The following ASTN2 variants were observed in gnomAD, a reference collection of about 807,000 sequenced individuals.
ASTN2 encodes the protein astrotactin-2.
ASTN2 carries 54 observed loss-of-function variants against 139.8 expected under a neutral mutation model. That is an observed-to-expected ratio of 0.39 (90% CI 0.31 to 0.48). ASTN2 has a LOEUF of 0.48. ASTN2 is among the 20% of genes least tolerant of loss of function. The pLI, the probability that ASTN2 is intolerant of heterozygous loss-of-function variation, is 0.95. For synonymous variants in ASTN2, 756 were observed against 719.5 expected (o/e 1.05, Z -0.81); for missense variants, 1,565 against 1,725.1 (o/e 0.91, Z 1.64).
chr9:117,016,617 T>TTAC (rs1564385774), intron 6 of ASTN2, among the ~76,000 whole-genome samples: 123 of 3,938 alleles, frequency 0.031, 17 homozygotes, highest in East Asian at 0.22. Flanking sequence ...TATCTATATC[T>TTAC]ATCTATCTAT....
intron 1 of ASTN2, among the ~76,000 whole-genome samples, chr9:117,305,052 T>C (rs1264634605): frequency 6.6e-6 from 1 of 152,236 alleles, no homozygotes; most frequent in East Asian, 1.9e-4. Context: ...CTGGGACCAC[T>C]GTGGGGACAC....
At chr9:116,677,473 G>T (rs1385061498) in intron 16 of ASTN2, among the ~76,000 whole-genome samples, 6 of 152,192 alleles carry the variant, frequency 3.9e-5, no homozygotes, top group African/African-American at 1.4e-4. Flanking sequence ...GCTTTGGTTT[G>T]TAATAACTAG....
chr9:117,005,930 C>G (rs1287064306), intron 7 of ASTN2, among the ~76,000 whole-genome samples: 4 of 152,088 alleles, frequency 2.6e-5, no homozygotes, highest in Non-Finnish European at 5.9e-5. Context: ...CTATCCTAGG[C>G]CCTGGATGTT....
At chr9:116,707,926 C>T (rs891344519) in intron 16 of ASTN2, among the ~76,000 whole-genome samples, 5 of 152,114 alleles carry the variant, frequency 3.3e-5, no homozygotes, top group Admixed American at 6.5e-5. Context: ...AACTATTGCC[C>T]TGCCTAAATT....
At chr9:116,487,126 G>A (rs540852914) in intron 20 of ASTN2, among the ~76,000 whole-genome samples, 1 of 152,222 alleles carries the variant, frequency 6.6e-6, no homozygotes, top group East Asian at 1.9e-4. Context: ...TAGAAGGAAT[G>A]GTTTTAAATT....
intron 2 of ASTN2, among the ~76,000 whole-genome samples, chr9:117,272,779 T>A (rs1201265206): frequency 2.0e-5 from 3 of 152,170 alleles, no homozygotes; most frequent in Non-Finnish European, 4.4e-5. Flanking sequence ...AAGTTCCTCA[T>A]CACCATCTGA....
intron 3 of ASTN2, among the ~76,000 whole-genome samples, chr9:117,194,256 T>C (rs1471698419): frequency 6.6e-6 from 1 of 152,104 alleles, no homozygotes. Flanking sequence ...TCTTCATCCT[T>C]CAGATCTCTG....
At chr9:117,336,477 G>T (rs1016079230) in intron 1 of ASTN2, among the ~76,000 whole-genome samples, 3 of 152,084 alleles carry the variant, frequency 2.0e-5, no homozygotes, top group African/African-American at 7.2e-5. Context: ...GGACAAAGAG[G>T]GAGATCTCTT....
chr9:116,915,319 G>A (rs186499738), intron 10 of ASTN2, among the ~76,000 whole-genome samples: 1 of 152,206 alleles, frequency 6.6e-6, no homozygotes, highest in South Asian at 2.1e-4. Context: ...AGGTCTCAAA[G>A]TTGACTTTTC....
intron 1 of ASTN2, among the ~76,000 whole-genome samples, chr9:117,371,992 T>C (rs1258878210): frequency 2.0e-5 from 3 of 152,118 alleles, no homozygotes; most frequent in Non-Finnish European, 4.4e-5. Flanking sequence ...GAAAGGAGCT[T>C]CCCTTCTCTC....
At position 116,747,693 on chromosome 9, in the gene ASTN2, G is replaced by GCACACACACACA. The variant is rs56265727; in HGVS notation, c.2397-14182_2397-14171dup. Among the ~76,000 whole-genome samples the GCACACACACACA allele has an allele frequency of 2.6e-4, 39 of 149,160 alleles. 1 individual carries two copies. In the South Asian group the frequency reaches 3.4e-3, roughly 13 times the overall value. On this transcript the variant is annotated intron_variant, in intron 13 of 22. Coordinates refer to ENST00000313400, the MANE Select transcript of ASTN2 (RefSeq NM_001365068.1). ...CTCATTTATACACAGGTGTGCATGA[G>GCACACACACACA]CACACACACACACACACACACACAC...
rs939474737 is a variant in ASTN2 at position 116,930,927 on chromosome 9, A to T, written c.1889+44281T>A. The stretch of plus-strand genomic sequence containing the variant: ...GAAACTCATTATCTTCTCCCTCTCA[A>T]TTTTTCCTCCTCCAGGCCCAGTCCT... On this transcript the variant is annotated intron_variant, in intron 10 of 22. Transcript: ENST00000313400. Among the ~76,000 whole-genome samples, 9 of 151,118 alleles carry T rather than the reference A, an allele frequency of 6.0e-5. No homozygotes were observed. In the East Asian group the frequency reaches 1.8e-3, roughly 30 times the overall value.
intron 20 of ASTN2, among the ~76,000 whole-genome samples, chr9:116,459,773 A>G (rs1248396123): frequency 6.6e-6 from 1 of 151,962 alleles, no homozygotes; most frequent in Non-Finnish European, 1.5e-5. Context: ...AAGGATATGG[A>G]GAAATTGAAA....
chr9:116,499,600 A>G (rs1464251401), intron 19 of ASTN2, among the ~76,000 whole-genome samples: 1 of 152,086 alleles, frequency 6.6e-6, no homozygotes, highest in African/African-American at 2.4e-5. Context: ...GATTATGGTA[A>G]GGTACCTGGC....
intron 10 of ASTN2, among the ~76,000 whole-genome samples, chr9:116,903,312 G>T (rs1465099949): frequency 6.6e-6 from 1 of 152,030 alleles, no homozygotes; most frequent in Admixed American, 6.6e-5. Context: ...TCTCCCCCTA[G>T]AATGTAAAAT....
At chr9:117,252,533 T>C (rs1252116786) in intron 2 of ASTN2, among the ~76,000 whole-genome samples, 2 of 152,208 alleles carry the variant, frequency 1.3e-5, no homozygotes, top group African/African-American at 2.4e-5. Flanking sequence ...CACATGGTGC[T>C]AATGGCCCAG....
chr9:116,919,097 G>A (rs1407314838), intron 10 of ASTN2, among the ~76,000 whole-genome samples: 2 of 152,016 alleles, frequency 1.3e-5, no homozygotes, highest in East Asian at 3.9e-4. Flanking sequence ...GATGTTTTGC[G>A]ATTGTACTCA....
intron 11 of ASTN2, among the ~76,000 whole-genome samples, chr9:116,859,788 C>G (rs1315544593): frequency 6.6e-6 from 1 of 152,176 alleles, no homozygotes; most frequent in East Asian, 1.9e-4. Context: ...CTATATAGCA[C>G]AGGTTGACAG....
chr9:116,963,049 A>G (rs568402425), intron 10 of ASTN2, among the ~76,000 whole-genome samples: 1 of 152,324 alleles, frequency 6.6e-6, no homozygotes, highest in East Asian at 1.9e-4. Flanking sequence ...AGGAACACAT[A>G]GACTACCAGG....
Sources: allele counts gnomAD v4.1 joint callset (sites outside exome capture counted in the v4.1 genomes callset), GRCh38; gene constraint gnomAD v4.1.1; transcripts MANE v1.5; gene names NCBI Gene and HGNC (gene_info 2026-07-23, HGNC 2026-07-21).